Variants in SMARCA2 observed in about 807,000 individuals in gnomAD.
SMARCA2 encodes SWI/SNF related BAF chromatin remodeling complex subunit ATPase 2, also known as SWI/SNF-related matrix-associated actin-dependent regulator of chromatin subfamily A member 2.
A neutral mutation model predicts 199.8 loss-of-function variants in SMARCA2; 61 were observed. The observed-to-expected ratio is 0.31, with a 90% CI of 0.25 to 0.38. The LOEUF (loss-of-function observed/expected upper bound fraction) is 0.38. Ranked by LOEUF, SMARCA2 falls within the 10% of genes least tolerant of loss-of-function variation. The pLI is 1.00. For missense variants in SMARCA2, 1,344 were observed against 2,012.2 expected (o/e 0.67, Z 6.35); for synonymous variants, 935 against 732.0 (o/e 1.28, Z -4.48).
intron 27 of SMARCA2, among the ~76,000 whole-genome samples, chr9:2,156,486 A>G (rs1485988736): frequency 3.1e-5 from 4 of 129,516 alleles, no homozygotes; most frequent in East Asian, 4.7e-4. Context: ...CTGGAGTGCA[A>G]TGGCACAATC....
chr9:2,018,459 C>T (rs1344987567), intron 1 of SMARCA2, among the ~76,000 whole-genome samples: 1 of 152,182 alleles, frequency 6.6e-6, no homozygotes, highest in Non-Finnish European at 1.5e-5. Flanking sequence ...TGTCTCCTTT[C>T]TGGTCATTAT....
chr9:2,059,187 T>G (rs1208042801), intron 8 of SMARCA2, among the ~76,000 whole-genome samples: 1 of 152,206 alleles, frequency 6.6e-6, no homozygotes, highest in Non-Finnish European at 1.5e-5. Context: ...TGTGTGATGT[T>G]ATAATTATAG....
chr9:2,139,218 G>C (rs144590887), intron 27 of SMARCA2, among the ~76,000 whole-genome samples: 11 of 152,312 alleles, frequency 7.2e-5, no homozygotes, highest in African/African-American at 2.6e-4. Flanking sequence ...TAAAGAAAGA[G>C]TTTAATTGAC....
At chr9:2,096,427 A>AGCATCAATT (rs1305038737) in intron 19 of SMARCA2, among the ~76,000 whole-genome samples, 2 of 152,204 alleles carry the variant, frequency 1.3e-5, no homozygotes, top group African/African-American at 4.8e-5. Flanking sequence ...ACATGACCCT[A>AGCATCAATT]GCATCAATTA....
intron 27 of SMARCA2, among the ~76,000 whole-genome samples, chr9:2,137,518 T>C (rs888225376): frequency 6.6e-6 from 1 of 152,186 alleles, no homozygotes; most frequent in African/African-American, 2.4e-5. Flanking sequence ...TTCATGTGGC[T>C]GTCTCCTCCT....
chr9:2,141,365 G>A (rs921462752), intron 27 of SMARCA2, among the ~76,000 whole-genome samples: 3 of 152,206 alleles, frequency 2.0e-5, no homozygotes, highest in Admixed American at 1.3e-4. Context: ...TTCGCATTTA[G>A]TTAATGACAG....
intron 12 of SMARCA2, among the ~76,000 whole-genome samples, chr9:2,075,918 AG>A (rs1174981943): frequency 6.6e-6 from 1 of 152,236 alleles, no homozygotes; most frequent in African/African-American, 2.4e-5. Flanking sequence ...TATGCTCTAC[AG>A]GACTCTGATA....
At chr9:2,140,214 A>G (rs1373887488) in intron 27 of SMARCA2, among the ~76,000 whole-genome samples, 1 of 152,198 alleles carries the variant, frequency 6.6e-6, no homozygotes, top group East Asian at 1.9e-4. Flanking sequence ...AGAATATATA[A>G]CAGATGCTAA....
chr9:2,191,854 CT>C (rs1222485644), intron 33 of SMARCA2: 1 of 145,742 alleles, frequency 6.9e-6, no homozygotes, highest in African/African-American at 2.7e-5. Flanking sequence ...ACTCAAAGGA[CT>C]TTTTAAGTAC....
intron 26 of SMARCA2, among the ~76,000 whole-genome samples, chr9:2,120,913 T>C (rs1264962614): frequency 1.3e-5 from 2 of 152,150 alleles, no homozygotes; most frequent in Non-Finnish European, 2.9e-5. Context: ...TAATCAAAGA[T>C]TACAATATTC....
At chr9:2,024,612 C>G (rs1422718367) in intron 1 of SMARCA2, among the ~76,000 whole-genome samples, 1 of 152,164 alleles carries the variant, frequency 6.6e-6, no homozygotes, top group East Asian at 1.9e-4. Flanking sequence ...AAGCCTAGTC[C>G]TTGCAAGATA....
In SMARCA2 at chr9:2,123,453, G is replaced by A. The variant is rs1823552572; in HGVS notation, c.3763-266G>A. 6.6e-6 allele frequency among the ~76,000 whole-genome samples: 1 copy of A among 152,136 alleles called. No homozygotes were observed. The highest frequency in any genetic ancestry group is 2.4e-5 in the African/African-American group (1 of 41,432). ...AAAGAGGGAGCTTTGCATACACACAGACTAAGAAAAGGAAATTCTTTAAAA... is the reference window on the plus strand; with the variant it reads ...AAAGAGGGAGCTTTGCATACACACAAACTAAGAAAAGGAAATTCTTTAAAA... On this transcript the variant is annotated intron_variant, in intron 26 of 33. Transcript: ENST00000349721. The surrounding 1 kb of genome is among the most constrained non-coding windows in gnomAD (Gnocchi z 4.1).
At chr9:2,109,916 G>A (rs914231580) in intron 23 of SMARCA2, among the ~76,000 whole-genome samples, 34 of 152,220 alleles carry the variant, frequency 2.2e-4, no homozygotes, top group African/African-American at 7.7e-4. Flanking sequence ...CAGGGCGAGA[G>A]AGGAAGTGTG....
chr9:2,136,186 CTT>C (rs35768052), intron 27 of SMARCA2, among the ~76,000 whole-genome samples: 2,020 of 131,432 alleles, frequency 0.015, 64 homozygotes, highest in East Asian at 0.15. Flanking sequence ...TCCCCTGCTT[CTT>C]TTTTTTTTTT....
At chr9:2,085,134 G>A (rs1821745328) in intron 17 of SMARCA2, among the ~76,000 whole-genome samples, 2 of 152,162 alleles carry the variant, frequency 1.3e-5, no homozygotes, top group Admixed American at 6.5e-5. Context: ...AAAAGGAAAT[G>A]TGTTCCCAGG....
At chr9:2,173,053 T>G (rs1486644680) in intron 29 of SMARCA2, among the ~76,000 whole-genome samples, 1 of 152,042 alleles carries the variant, frequency 6.6e-6, no homozygotes, top group Non-Finnish European at 1.5e-5. Flanking sequence ...TTAGGGGCAG[T>G]CTGGATGTGT....
chr9:2,174,542 T>C (rs1488539724), intron 29 of SMARCA2, among the ~76,000 whole-genome samples: 1 of 152,106 alleles, frequency 6.6e-6, no homozygotes, highest in Non-Finnish European at 1.5e-5. Flanking sequence ...TGGAGAGGCA[T>C]TTGATTTTGT....
Position 2,077,685 on chromosome 9 carries a change from C to G in SMARCA2, c.2093C>G (p.Ser698Cys), listed in dbSNP as rs751437756. The G allele has an allele frequency of 2.5e-6, 4 of 1,613,888 alleles. No homozygotes were observed. The African/African-American group carries it at 5.3e-5, about 22-fold the overall frequency. Residue 698 changes from serine (S) to cysteine (C), a missense_variant, in exon 14 of 34, where the codon TCC (serine) becomes TGC (cysteine). Ser to Cys is a moderately radical substitution (Grantham distance 112). This residue lies in a region of SMARCA2 where 106 missense variants were observed against 179.7 expected (regional missense o/e 0.59). Transcript: ENST00000349721. ...AGCATGCAGTACAGTGCCAGGGGCTCCCAGTCCTACTACACCGTGGCTCAT... is the reference window on the plus strand; with the variant it reads ...AGCATGCAGTACAGTGCCAGGGGCTGCCAGTCCTACTACACCGTGGCTCAT... The part of the protein sequence containing the change: ...EYSMQYSARG[S>C]QSYYTVAHAI...
At chr9:2,025,770 T>C (rs560948234) in intron 1 of SMARCA2, among the ~76,000 whole-genome samples, 2 of 152,220 alleles carry the variant, frequency 1.3e-5, no homozygotes, top group African/African-American at 2.4e-5. Context: ...TGGGAAAGTT[T>C]AATTACATAC....
Sources: allele counts gnomAD v4.1 joint callset (sites outside exome capture counted in the v4.1 genomes callset), GRCh38; gene constraint gnomAD v4.1.1; regional missense constraint gnomAD v4.1.1; non-coding constraint Gnocchi (gnomAD v3.1); transcripts MANE v1.5; gene names NCBI Gene and HGNC (gene_info 2026-07-23, HGNC 2026-07-21).